Variants in PCGF6 observed in about 807,000 individuals in gnomAD.
PCGF6 encodes polycomb group ring finger 6, also known as polycomb group RING finger protein 6.
Under a neutral mutation model 45.5 loss-of-function variants are expected in PCGF6, and 24 were observed. That is an observed-to-expected ratio of 0.53 (90% CI 0.38 to 0.74). The LOEUF (loss-of-function observed/expected upper bound fraction) is 0.74. PCGF6 is among the 30% of genes least tolerant of loss of function. The pLI is 0.00. For missense variants in PCGF6, 356 were observed against 443.2 expected, an observed-to-expected ratio of 0.80 and a Z score of 1.77; for synonymous variants, 152 against 162.1, an observed-to-expected ratio of 0.94 and a Z score of 0.47.
At chr10:103,332,261 G>A (rs1236706457) in intron 7 of PCGF6, among the ~76,000 whole-genome samples, 1 of 152,044 alleles carries the variant, frequency 6.6e-6, no homozygotes, top group African/African-American at 2.4e-5. Context: ...GTGTTTCTGA[G>A]GAAGCAGTAG....
At chr10:103,308,820 C>T (rs1263859677) in intron 9 of PCGF6, among the ~76,000 whole-genome samples, 2 of 151,764 alleles carry the variant, frequency 1.3e-5, no homozygotes, top group Non-Finnish European at 2.9e-5. Context: ...TTGCAGTGAG[C>T]CTATCACACT....
intron 9 of PCGF6, among the ~76,000 whole-genome samples, chr10:103,309,029 GAAGT>G (rs1404878828): frequency 6.6e-6 from 1 of 152,136 alleles, no homozygotes; most frequent in African/African-American, 2.4e-5. Context: ...TTGTATCTTG[GAAGT>G]AACTAACTTG....
intron 6 of PCGF6, among the ~76,000 whole-genome samples, chr10:103,338,310 AAGGC>A (rs1288693287): frequency 6.6e-6 from 1 of 151,460 alleles, no homozygotes; most frequent in Non-Finnish European, 1.5e-5. Flanking sequence ...TTAGGAGGCC[AAGGC>A]AGGCAGACCA....
intron 9 of PCGF6, among the ~76,000 whole-genome samples, chr10:103,305,738 T>C (rs2093136088): frequency 1.3e-5 from 2 of 151,996 alleles, no homozygotes; most frequent in Admixed American, 1.3e-4. Flanking sequence ...AATATATATG[T>C]TTTACTTCTG....
Position 103,320,557 on chromosome 10 carries a change from C to T in PCGF6, c.909+5977G>A, listed in dbSNP as rs534892502. 6.6e-5 allele frequency among the ~76,000 whole-genome samples: 10 copies of T among 152,226 alleles called. No homozygotes were observed. The East Asian group carries it at 1.2e-3, about 18-fold the overall frequency. On this transcript the variant is annotated intron_variant, in intron 8 of 9. Coordinates refer to ENST00000369847, the MANE Select transcript of PCGF6 (RefSeq NM_001011663.2). Reference sequence around the variant, plus strand: ...AGAAAATTAGCCAGGCATGGTGGCGCATGCCTGTAATCCCAGCTACTCAGG... The same window carrying T: ...AGAAAATTAGCCAGGCATGGTGGCGTATGCCTGTAATCCCAGCTACTCAGG...
chr10:103,326,488 G>T (rs368427447), intron 8 of PCGF6, 46 bp downstream of exon 8: 16 of 1,262,192 alleles, frequency 1.3e-5, no homozygotes, highest in Admixed American at 2.3e-5. Context: ...GTGTGCTAAA[G>T]GTAAGCTCAC....
At chr10:103,314,118 T>C in intron 9 of PCGF6, 68 bp downstream of exon 9, 1 of 885,614 alleles carries the variant, frequency 1.1e-6, no homozygotes, top group East Asian at 2.7e-5. Flanking sequence ...TTATGAAAAC[T>C]TACTGATAAC....
At chr10:103,327,607 A>C (rs1171254688) in intron 7 of PCGF6, among the ~76,000 whole-genome samples, 1 of 152,110 alleles carries the variant, frequency 6.6e-6, no homozygotes, top group Non-Finnish European at 1.5e-5. Flanking sequence ...ATGGGAGTTC[A>C]TTATACTATT....
chr10:103,347,334 A>T, intron 4 of PCGF6, 37 bp from the exon 5 acceptor site: 1 of 1,589,920 alleles, frequency 6.3e-7, no homozygotes, highest in Non-Finnish European at 8.6e-7. Context: ...ATTACACTTA[A>T]AATGTAACTA....
At chr10:103,338,359 T>C (rs2093265737) in intron 6 of PCGF6, among the ~76,000 whole-genome samples, 1 of 151,314 alleles carries the variant, frequency 6.6e-6, no homozygotes. Context: ...CTGGCTAACA[T>C]GGTGAAACCC....
chr10:103,318,968 T>C (rs2093186497), intron 8 of PCGF6, among the ~76,000 whole-genome samples: 1 of 152,014 alleles, frequency 6.6e-6, no homozygotes, highest in South Asian at 2.1e-4. Flanking sequence ...CCCTCTGGAG[T>C]ATCAAGAAGA....
intron 8 of PCGF6, among the ~76,000 whole-genome samples, chr10:103,314,895 C>T (rs569523476): frequency 1.6e-5 from 2 of 126,030 alleles, no homozygotes; most frequent in South Asian, 2.6e-4. Flanking sequence ...GTGTTGGTTG[C>T]AATGAGCCGA....
chr10:103,314,196 G>C lies in PCGF6; in HGVS notation c.986C>G (p.Ala329Gly), dbSNP rs1371913248. Residue 329 changes from alanine to glycine, a missense_variant, in exon 9 of 10, where the codon GCA (alanine) becomes GGA (glycine). Ala to Gly is a moderately conservative substitution (Grantham distance 60, BLOSUM62 0). Around this residue, in one of 2 missense-constraint regions of PCGF6, gnomAD observed 49 missense variants for 93.0 expected, o/e 0.53. Coordinates refer to ENST00000369847, the MANE Select transcript of PCGF6 (RefSeq NM_001011663.2). ...LREIRRAIGDAAMQDGLLVLH... is the reference protein window; with the variant it reads ...LREIRRAIGDGAMQDGLLVLH... ...ATGTCTATAACCTACCTGCATTGCT[G>C]CATCACCTATTGCACGTCGGATTTC... The C allele has an allele frequency of 6.3e-7, 1 of 1,599,588 alleles. No homozygotes were observed. Among genetic ancestry groups the C allele is most frequent in the Admixed American group, 1.7e-5 (1 of 58,988 alleles).
chr10:103,349,181 G>A (rs1461945635), intron 1 of PCGF6, among the ~76,000 whole-genome samples, 182 bp from the exon 2 acceptor site: 1 of 151,826 alleles, frequency 6.6e-6, no homozygotes, highest in African/African-American at 2.4e-5. Context: ...CCGAGTAGCT[G>A]GGATTACAGG....
intron 6 of PCGF6, among the ~76,000 whole-genome samples, chr10:103,339,501 C>T (rs1348445796): frequency 6.8e-6 from 1 of 147,096 alleles, no homozygotes; most frequent in Non-Finnish European, 1.5e-5. Flanking sequence ...TTAATATATA[C>T]CTTATGAGTC....
chr10:103,306,355 C>T lies in PCGF6; in HGVS notation c.997-2394G>A, dbSNP rs560063082. ...TCAGGTGATCCGCCCGCCTTGGCCT[C>T]CCAAAGTGCTGGAATTATAGGTGTG... On this transcript the variant is annotated intron_variant, in intron 9 of 9. Coordinates refer to ENST00000369847, the MANE Select transcript of PCGF6 (RefSeq NM_001011663.2). Among the ~76,000 whole-genome samples the T allele has an allele frequency of 2.6e-5, 4 of 152,228 alleles. No homozygotes were observed. In the East Asian group the frequency reaches 7.7e-4, roughly 29 times the overall value.
At chr10:103,318,426 G>T (rs1170866024) in intron 8 of PCGF6, among the ~76,000 whole-genome samples, 4 of 145,976 alleles carry the variant, frequency 2.7e-5, no homozygotes, top group Admixed American at 7.0e-5. Flanking sequence ...CTGGGTAACA[G>T]AGGGAGACTC....
At chr10:103,321,620 G>A (rs1471618852) in intron 8 of PCGF6, among the ~76,000 whole-genome samples, 1 of 152,008 alleles carries the variant, frequency 6.6e-6, no homozygotes, top group Non-Finnish European at 1.5e-5. Flanking sequence ...GCTGAGGCAG[G>A]AGAATGGCAT....
chr10:103,328,205 A>G (rs557168006), intron 7 of PCGF6, among the ~76,000 whole-genome samples: 1 of 152,286 alleles, frequency 6.6e-6, no homozygotes, highest in East Asian at 1.9e-4. Flanking sequence ...GGAAAAGCAC[A>G]AAGTGTTTTT....
Sources: allele counts gnomAD v4.1 joint callset (sites outside exome capture counted in the v4.1 genomes callset), GRCh38; gene constraint gnomAD v4.1.1; regional missense constraint gnomAD v4.1.1; transcripts MANE v1.5; gene names NCBI Gene and HGNC (gene_info 2026-07-23, HGNC 2026-07-21).